Variants in SPATA17 observed in about 807,000 individuals in gnomAD.
SPATA17 encodes the protein spermatogenesis-associated protein 17.
A neutral mutation model predicts 62.2 loss-of-function variants in SPATA17; 53 were observed. The ratio of observed to expected loss-of-function variants is 0.85; its 90% CI spans 0.68 to 1.07. SPATA17 has a LOEUF of 1.07. Among genes scored for constraint, SPATA17 ranks in the 50% least tolerant of loss-of-function variants. The pLI is 0.00. For missense variants in SPATA17, 466 were observed against 425.5 expected (o/e 1.10, Z -0.84); for synonymous variants, 146 against 146.8 (o/e 0.99, Z 0.04).
intron 9 of SPATA17, among the ~76,000 whole-genome samples, chr1:217,811,468 C>T (rs1031187031): frequency 2.0e-5 from 3 of 152,016 alleles, no homozygotes; most frequent in African/African-American, 7.2e-5. Context: ...TCCTCTCCTC[C>T]CTGCCTTCCT....
At chr1:217,768,835 G>A (rs1673366544) in intron 6 of SPATA17, among the ~76,000 whole-genome samples, 1 of 152,030 alleles carries the variant, frequency 6.6e-6, no homozygotes, top group South Asian at 2.1e-4. Context: ...TTTTTACACA[G>A]AACGTATACT....
chr1:217,820,790 T>A (rs1674838040), intron 9 of SPATA17, among the ~76,000 whole-genome samples: 1 of 152,000 alleles, frequency 6.6e-6, no homozygotes, highest in African/African-American at 2.4e-5. Context: ...ATTGAAACCA[T>A]GAAAGCAGAT....
chr1:217,664,429 A>G (rs2102893518), intron 3 of SPATA17, among the ~76,000 whole-genome samples: 1 of 150,532 alleles, frequency 6.6e-6, no homozygotes, highest in African/African-American at 2.4e-5. Flanking sequence ...AGCTGGGATT[A>G]CAGGTGCTCA....
intron 6 of SPATA17, among the ~76,000 whole-genome samples, chr1:217,757,172 G>A (rs957612269): frequency 3.9e-5 from 6 of 152,172 alleles, no homozygotes; most frequent in African/African-American, 1.4e-4. Context: ...GCTAAGATGG[G>A]AAAGACAGGT....
intron 9 of SPATA17, among the ~76,000 whole-genome samples, chr1:217,806,230 G>T (rs544619751): frequency 6.6e-6 from 1 of 152,188 alleles, no homozygotes; most frequent in Non-Finnish European, 1.5e-5. Flanking sequence ...CAGTTCCTCT[G>T]GGATGGCAGG....
chr1:217,829,337 A>G (rs1453001127), intron 9 of SPATA17, among the ~76,000 whole-genome samples: 4 of 152,092 alleles, frequency 2.6e-5, no homozygotes, highest in Non-Finnish European at 4.4e-5. Context: ...GAAAGAAAAT[A>G]CTGCATTCGG....
intron 5 of SPATA17, 94 bp from the exon 6 acceptor site, chr1:217,741,881 T>C: frequency 7.2e-7 from 1 of 1,381,656 alleles, no homozygotes; most frequent in Non-Finnish European, 1.0e-6. Flanking sequence ...ATATGGATGA[T>C]GGTTGCCCCT....
chr1:217,639,273 A>G (rs1361422984), intron 1 of SPATA17, among the ~76,000 whole-genome samples: 2 of 152,166 alleles, frequency 1.3e-5, no homozygotes, highest in Non-Finnish European at 2.9e-5. Flanking sequence ...ACAGGAACCC[A>G]AAAGACACAA....
At chr1:217,655,492 A>C (rs1192433920) in intron 3 of SPATA17, among the ~76,000 whole-genome samples, 5 of 152,118 alleles carry the variant, frequency 3.3e-5, no homozygotes, top group African/African-American at 9.7e-5. Context: ...TTTAAATGCT[A>C]TGTATACATC....
chr1:217,834,993 T>G (rs376569872), intron 9 of SPATA17, among the ~76,000 whole-genome samples: 2 of 152,288 alleles, frequency 1.3e-5, no homozygotes, highest in African/African-American at 4.8e-5. Flanking sequence ...CCTACAGTAT[T>G]CGGTACAGGA....
At chr1:217,703,333 G>A (rs1372817126) in intron 5 of SPATA17, among the ~76,000 whole-genome samples, 1 of 151,698 alleles carries the variant, frequency 6.6e-6, no homozygotes. Context: ...CACCATGCCC[G>A]GCTAGCTTTT....
chr1:217,649,973 CTTG>C (rs1313416090), intron 2 of SPATA17, among the ~76,000 whole-genome samples: 1 of 124,356 alleles, frequency 8.0e-6, no homozygotes, highest in Non-Finnish European at 1.6e-5. Context: ...GAGTTTTGCT[CTTG>C]TTGTCCAGGC....
At chr1:217,825,312 G>A (rs1415464352) in intron 9 of SPATA17, among the ~76,000 whole-genome samples, 2 of 151,430 alleles carry the variant, frequency 1.3e-5, no homozygotes, top group African/African-American at 4.8e-5. Flanking sequence ...TATATTAAAA[G>A]TTCCTAAAAT....
intron 6 of SPATA17, among the ~76,000 whole-genome samples, chr1:217,754,519 T>A (rs1028314946): frequency 6.6e-6 from 1 of 152,166 alleles, no homozygotes; most frequent in Non-Finnish European, 1.5e-5. Flanking sequence ...TTGAGGACAC[T>A]TCAGAAATAT....
At chr1:217,653,837 A>G (rs1451616598) in intron 3 of SPATA17, among the ~76,000 whole-genome samples, 1 of 152,162 alleles carries the variant, frequency 6.6e-6, no homozygotes, top group Non-Finnish European at 1.5e-5. Context: ...CATATTTTCT[A>G]TTTAAAGACA....
intron 9 of SPATA17, among the ~76,000 whole-genome samples, chr1:217,837,863 A>C (rs1334310100): frequency 2.0e-5 from 3 of 152,120 alleles, no homozygotes; most frequent in Non-Finnish European, 4.4e-5. Context: ...TGCTCTGTTT[A>C]CTAAATAGCA....
intron 6 of SPATA17, among the ~76,000 whole-genome samples, chr1:217,763,954 A>G (rs1427205507): frequency 2.6e-5 from 4 of 152,208 alleles, no homozygotes; most frequent in South Asian, 2.1e-4. Context: ...AAAAATTGAT[A>G]GGAAGTCACA....
chr1:217,645,952 A>G (rs1201113051), intron 1 of SPATA17, among the ~76,000 whole-genome samples: 1 of 152,146 alleles, frequency 6.6e-6, no homozygotes, highest in African/African-American at 2.4e-5. Flanking sequence ...CTATACTTGT[A>G]TCTTATGATT....
chr1:217,703,162 A>ACCATGCCTGGCATATTTCATTACT (rs1483243568), intron 5 of SPATA17, among the ~76,000 whole-genome samples: 2 of 121,874 alleles, frequency 1.6e-5, no homozygotes, highest in Admixed American at 7.7e-5. Flanking sequence ...GGCGTGAGCC[A>ACCATGCCTGGCATATTTCATTACT]TTGCGCTCGG....
Sources: gnomAD v4.1 joint callset for allele counts (sites outside exome capture counted in the v4.1 genomes callset) on GRCh38, gnomAD v4.1.1 for gene constraint, MANE v1.5 for transcripts, NCBI Gene and HGNC (gene_info 2026-07-23, HGNC 2026-07-21) for gene names.